Variants in GLP2R observed in about 807,000 individuals in gnomAD.
The protein encoded by GLP2R is glucagon-like peptide 2 receptor.
A neutral mutation model predicts 68.2 loss-of-function variants in GLP2R; 59 were observed. The ratio of observed to expected loss-of-function variants is 0.87; its 90% CI spans 0.70 to 1.07. The LOEUF (loss-of-function observed/expected upper bound fraction) is 1.07, where lower values mean the gene tolerates loss of function less well. Ranked by LOEUF, GLP2R falls within the 50% of genes least tolerant of loss-of-function variation. The pLI, the probability that GLP2R is intolerant of heterozygous loss-of-function variation, is 0.00. For synonymous variants in GLP2R, 270 were observed against 265.4 expected (o/e 1.02, Z -0.17); for missense variants, 548 against 677.4 (o/e 0.81, Z 2.12).
chr17:9,862,128 T>C (rs767362323), intron 9 of GLP2R, 38 bp downstream of exon 9: 1 of 1,492,880 alleles, frequency 6.7e-7, no homozygotes, highest in Non-Finnish European at 9.3e-7. Context: ...TCTCGGAGCC[T>C]AGCAGCTGTG....
At chr17:9,856,220 C>T (rs1355072593) in intron 5 of GLP2R, among the ~76,000 whole-genome samples, 2 of 152,180 alleles carry the variant, frequency 1.3e-5, no homozygotes, top group African/African-American at 4.8e-5. Flanking sequence ...TCCCAAAGTC[C>T]CAGGACCAAG....
chr17:9,870,888 G>A (rs2067086761), intron 10 of GLP2R, 53 bp downstream of exon 10: 3 of 839,508 alleles, frequency 3.6e-6, no homozygotes, highest in East Asian at 4.9e-5. Flanking sequence ...TAAGTACTCT[G>A]GCTGTTCTGC....
At chr17:9,876,967 C>T (rs2152046562) in intron 10 of GLP2R, among the ~76,000 whole-genome samples, 1 of 152,284 alleles carries the variant, frequency 6.6e-6, no homozygotes, top group South Asian at 2.1e-4. Flanking sequence ...ACAGCCCTGT[C>T]AGGTAGATGC....
chr17:9,836,845 TTAC>T (rs2066736258), intron 3 of GLP2R, among the ~76,000 whole-genome samples: 1 of 151,318 alleles, frequency 6.6e-6, no homozygotes, highest in Non-Finnish European at 1.5e-5. Flanking sequence ...ATTATTATTA[TTAC>T]TATTATATAT....
chr17:9,827,870 G>A lies in GLP2R; in HGVS notation c.189+1618G>A, dbSNP rs1284955190. ...CCAGTTGCTCAGGAGGCTGAGGCAG[G>A]AGAATTGCTTGAACCTGGAGGTGGA... is the stretch of plus-strand genomic sequence containing the variant. On this transcript the variant is annotated intron_variant, in intron 1 of 12. Coordinates refer to ENST00000262441, the MANE Select transcript of GLP2R (RefSeq NM_004246.3). Among the ~76,000 whole-genome samples, 3 of 150,970 alleles carry A rather than the reference G, an allele frequency of 2.0e-5. No individual in the cohort carries two copies. The East Asian group carries it at 5.9e-4, about 30-fold the overall frequency.
chr17:9,865,531 A>T (rs73974315), intron 9 of GLP2R, among the ~76,000 whole-genome samples: 3,648 of 152,058 alleles, frequency 0.024, 147 homozygotes, highest in African/African-American at 0.083. Flanking sequence ...CTCTCTACTC[A>T]CCTAACCAGA....
chr17:9,854,317 T>C (rs1273174470), intron 4 of GLP2R, among the ~76,000 whole-genome samples, 178 bp from the exon 5 acceptor site: 2 of 152,204 alleles, frequency 1.3e-5, no homozygotes, highest in African/African-American at 4.8e-5. Flanking sequence ...GCCTCTGAGA[T>C]GTACCAGAGA....
chr17:9,859,881 C>T (rs117589128), intron 6 of GLP2R, 61 bp from the exon 7 acceptor site: 26,551 of 1,333,612 alleles, frequency 0.02, 341 homozygotes, highest in Non-Finnish European at 0.023. Context: ...CCCTTCTCCC[C>T]CGACTCGGGA....
At chr17:9,847,023 A>C (rs1274538274) in intron 4 of GLP2R, among the ~76,000 whole-genome samples, 2 of 152,248 alleles carry the variant, frequency 1.3e-5, no homozygotes, top group African/African-American at 2.4e-5. Context: ...GGATTTGTTA[A>C]CACTTGCCAA....
At chr17:9,886,637 T>C (rs954848471) in intron 11 of GLP2R, among the ~76,000 whole-genome samples, 1 of 152,312 alleles carries the variant, frequency 6.6e-6, no homozygotes, top group African/African-American at 2.4e-5. Flanking sequence ...CCATGGAATA[T>C]CTAGGTGCAT....
chr17:9,886,505 G>A (rs1050241887), intron 11 of GLP2R, among the ~76,000 whole-genome samples: 2 of 152,214 alleles, frequency 1.3e-5, no homozygotes. Flanking sequence ...CTGATATCAT[G>A]TGCCCAGAGG....
chr17:9,861,341 A>G (rs2066985899), intron 8 of GLP2R, 142 bp downstream of exon 8: 1 of 633,592 alleles, frequency 1.6e-6, no homozygotes. Flanking sequence ...GGAATGGGAG[A>G]TAAAATAATC....
At chr17:9,833,721 G>A in intron 1 of GLP2R, 86 bp from the exon 2 acceptor site, 1 of 775,272 alleles carries the variant, frequency 1.3e-6, no homozygotes, top group Non-Finnish European at 2.2e-6. Context: ...ACTTCAGTGG[G>A]AAGGTTGGAG....
chr17:9,869,729 A>AAG (rs144426970), intron 9 of GLP2R, among the ~76,000 whole-genome samples: 44 of 151,544 alleles, frequency 2.9e-4, no homozygotes, highest in South Asian at 4.2e-4. Context: ...TGAGAAACCT[A>AAG]AGAGAGAGAG....
chr17:9,876,965 G>A (rs186822922), intron 10 of GLP2R, among the ~76,000 whole-genome samples: 4 of 152,344 alleles, frequency 2.6e-5, no homozygotes, highest in Admixed American at 1.3e-4. Context: ...TGACAGCCCT[G>A]TCAGGTAGAT....
In GLP2R at chr17:9,854,540, G is replaced by C. The variant is rs755555439; in HGVS notation, c.550G>C (p.Val184Leu). ...GTCAACCTTGCAGCTGATGTACACC[G>C]TGGGATACTCCTTCTCTCTTATCTC... ...LLSTLQLMYTVGYSFSLISLF... is the reference protein window; with the variant it reads ...LLSTLQLMYTLGYSFSLISLF... The change falls in exon 5 of 13, where the codon GTG becomes CTG. Residue 184 changes from valine (V) to leucine (L), a missense_variant. Transcript: ENST00000262441. The C allele has an allele frequency of 3.1e-6, 5 of 1,612,664 alleles. No homozygotes were observed. The highest frequency in any genetic ancestry group is 1.3e-5 in the African/African-American group (1 of 74,894).
intron 11 of GLP2R, among the ~76,000 whole-genome samples, chr17:9,881,529 C>T (rs111377136): frequency 9.6e-5 from 14 of 145,914 alleles, no homozygotes; most frequent in East Asian, 1.9e-4. Context: ...TACAGGCGCC[C>T]GCCACTACGC....
rs2066628216 is a variant in GLP2R, at chr17:9,826,265, C to T, written c.189+13C>T. 1 of 1,526,648 alleles carries T rather than the reference C, an allele frequency of 6.6e-7. No individual in the cohort carries two copies. Among genetic ancestry groups the T allele is most frequent in the Non-Finnish European group, 8.8e-7 (1 of 1,138,476 alleles). 94.6% of individuals were successfully genotyped at this position (1,526,648 alleles called of 1,614,324 possible). A position where few individuals can be genotyped will look rare whatever the true frequency, so the allele number is the denominator to read the frequency against. On this transcript the variant is annotated intron_variant, in intron 1 of 12. Coordinates refer to ENST00000262441, the MANE Select transcript of GLP2R (RefSeq NM_004246.3). Reference sequence around the variant, plus strand: ...TTCCATCAAGCAAGTAAGAGCAGTTCATTATTATTATTATTATCAGTTGTA... The same window carrying T: ...TTCCATCAAGCAAGTAAGAGCAGTTTATTATTATTATTATTATCAGTTGTA...
At chr17:9,830,261 G>C (rs536326815) in intron 1 of GLP2R, among the ~76,000 whole-genome samples, 1 of 152,206 alleles carries the variant, frequency 6.6e-6, no homozygotes, top group Non-Finnish European at 1.5e-5. Flanking sequence ...TGATTTTATT[G>C]TCTCTTCCTT....
Sources: gnomAD v4.1 joint callset for allele counts (sites outside exome capture counted in the v4.1 genomes callset) on GRCh38, gnomAD v4.1.1 for gene constraint, MANE v1.5 for transcripts, NCBI Gene and HGNC (gene_info 2026-07-23, HGNC 2026-07-21) for gene names.